CCDC192: variants seen among roughly 807,000 people sequenced by gnomAD.
CCDC192 encodes coiled-coil domain containing 192.
At chr5:127,739,277 G>A (rs576227198) in intron 2 of CCDC192, among the ~76,000 whole-genome samples, 1 of 152,212 alleles carries the variant, frequency 6.6e-6, no homozygotes, top group Non-Finnish European at 1.5e-5. Flanking sequence ...TGAGGAGGCA[G>A]TCTGCCCGTT....
At chr5:127,834,494 G>A (rs1749945691) in intron 5 of CCDC192, among the ~76,000 whole-genome samples, 1 of 152,084 alleles carries the variant, frequency 6.6e-6, no homozygotes, top group African/African-American at 2.4e-5. Flanking sequence ...GATGAGTGGA[G>A]GAAAAATAAC....
At chr5:127,784,926 A>G (rs192008735) in intron 3 of CCDC192, 10 of 457,056 alleles carry the variant, frequency 2.2e-5, no homozygotes, top group East Asian at 5.7e-5. Flanking sequence ...TATAACCAAG[A>G]TGTAATTTTA....
chr5:127,773,991 AT>A (rs1296253811), intron 3 of CCDC192, among the ~76,000 whole-genome samples: 2 of 152,142 alleles, frequency 1.3e-5, no homozygotes, highest in African/African-American at 2.4e-5. Context: ...TGTGGTTTTG[AT>A]TTGTACTACC....
chr5:127,839,095 C>T (rs999282777), intron 5 of CCDC192, among the ~76,000 whole-genome samples: 3 of 152,194 alleles, frequency 2.0e-5, no homozygotes, highest in Non-Finnish European at 4.4e-5. Flanking sequence ...ACTCTTAATT[C>T]TCTTGATAAA....
At chr5:127,719,067 T>G (rs1174685028) in intron 2 of CCDC192, among the ~76,000 whole-genome samples, 1 of 152,152 alleles carries the variant, frequency 6.6e-6, no homozygotes, top group Non-Finnish European at 1.5e-5. Context: ...TTCCAGCTTC[T>G]GTTAGCCATC....
At chr5:127,746,661 AC>A (rs1458255876) in intron 2 of CCDC192, among the ~76,000 whole-genome samples, 5 of 151,632 alleles carry the variant, frequency 3.3e-5, no homozygotes, top group Non-Finnish European at 5.9e-5. Context: ...AATTACTGGA[AC>A]CATCAGGGAT....
intron 3 of CCDC192, among the ~76,000 whole-genome samples, chr5:127,777,352 T>A (rs192594411): frequency 1.5e-3 from 230 of 152,296 alleles, no homozygotes; most frequent in African/African-American, 5.3e-3. Flanking sequence ...TGGGCCAATT[T>A]CTCCCATTTG....
chr5:127,867,551 G>A (rs245179), intron 5 of CCDC192, among the ~76,000 whole-genome samples: 112,418 of 152,128 alleles, frequency 0.74, 42,189 homozygotes, highest in African/African-American at 0.88. Flanking sequence ...TGCTTCATAT[G>A]TAGCTTTGGC....
intron 2 of CCDC192, among the ~76,000 whole-genome samples, chr5:127,718,884 TTTTA>T (rs1485127514): frequency 1.1e-4 from 16 of 152,340 alleles, no homozygotes; most frequent in African/African-American, 3.8e-4. Flanking sequence ...AGCTTTTATA[TTTTA>T]TTTGTGTTAC....
intron 6 of CCDC192, among the ~76,000 whole-genome samples, chr5:127,911,235 G>A (rs370714830): frequency 1.3e-5 from 2 of 152,176 alleles, no homozygotes; most frequent in African/African-American, 2.4e-5. Context: ...TTCAAGCCCA[G>A]GGGACATGAA....
At chr5:127,786,560 A>G (rs929975713) in intron 3 of CCDC192, 7 of 683,618 alleles carry the variant, frequency 1.0e-5, no homozygotes, top group African/African-American at 7.0e-5. Flanking sequence ...CAAGTCACCA[A>G]TGCAAGGGAA....
chr5:127,818,096 C>T (rs1749113731), intron 5 of CCDC192, among the ~76,000 whole-genome samples: 1 of 152,126 alleles, frequency 6.6e-6, no homozygotes, highest in African/African-American at 2.4e-5. Context: ...AATCACTGCT[C>T]TAAAATCAAT....
chr5:127,861,456 A>T (rs1477792519), intron 5 of CCDC192, among the ~76,000 whole-genome samples: 1 of 151,306 alleles, frequency 6.6e-6, no homozygotes, highest in Non-Finnish European at 1.5e-5. Context: ...GGAGTTCGAG[A>T]CCAGCCCAGC....
intron 2 of CCDC192, among the ~76,000 whole-genome samples, chr5:127,749,474 T>C (rs1213764982): frequency 1.3e-5 from 2 of 151,918 alleles, no homozygotes; most frequent in Non-Finnish European, 2.9e-5. Context: ...CACTTGATCA[T>C]GGTGGATAAG....
chr5:127,750,426 G>C (rs1444847998), intron 2 of CCDC192, among the ~76,000 whole-genome samples: 1 of 152,102 alleles, frequency 6.6e-6, no homozygotes, highest in East Asian at 1.9e-4. Flanking sequence ...GAGGGGTTTT[G>C]AGTGAGATTC....
At chr5:127,843,876 G>A (rs1750413036) in intron 5 of CCDC192, among the ~76,000 whole-genome samples, 1 of 152,198 alleles carries the variant, frequency 6.6e-6, no homozygotes, top group South Asian at 2.1e-4. Flanking sequence ...TCTATGTGAT[G>A]TAAGAAGGGA....
intron 6 of CCDC192, among the ~76,000 whole-genome samples, chr5:127,926,132 C>T (rs1453428037): frequency 2.0e-5 from 3 of 152,202 alleles, no homozygotes; most frequent in Non-Finnish European, 4.4e-5. Flanking sequence ...AGTTTGAACA[C>T]TCAGCAATGT....
At chr5:127,875,696 C>G (rs978000968) in intron 6 of CCDC192, 35 bp downstream of exon 6, 5 of 398,182 alleles carry the variant, frequency 1.3e-5, no homozygotes, top group Middle Eastern at 6.2e-4. Flanking sequence ...CACACTGGCC[C>G]GTCAGCTGGG....
At chr5:127,868,858 C>G (rs1751724166) in intron 5 of CCDC192, among the ~76,000 whole-genome samples, 1 of 152,036 alleles carries the variant, frequency 6.6e-6, no homozygotes, top group Non-Finnish European at 1.5e-5. Flanking sequence ...GGGTAAGACA[C>G]TGAGGCATGC....
Sources: allele counts gnomAD v4.1 joint callset (sites outside exome capture counted in the v4.1 genomes callset), GRCh38; gene constraint gnomAD v4.1.1; transcripts MANE v1.5; gene names NCBI Gene and HGNC (gene_info 2026-07-23, HGNC 2026-07-21).